Variants in SMAD3 observed in about 807,000 individuals in gnomAD.
The protein encoded by SMAD3 is SMAD family member 3, also known as MAD homolog 3.
Under a neutral mutation model 51.8 loss-of-function variants are expected in SMAD3, and 12 were observed. The observed-to-expected ratio is 0.23, with a 90% CI of 0.15 to 0.38. The LOEUF (loss-of-function observed/expected upper bound fraction) is 0.38, where lower values mean the gene tolerates loss of function less well. Ranked by LOEUF, SMAD3 falls within the 10% of genes least tolerant of loss-of-function variation. The pLI, the probability that SMAD3 is intolerant of heterozygous loss-of-function variation, is 1.00. For missense variants in SMAD3, 294 were observed against 565.6 expected (o/e 0.52, Z 4.87); for synonymous variants, 238 against 227.7 (o/e 1.05, Z -0.41).
chr15:67,133,497 A>G (rs1428979838), intron 1 of SMAD3, among the ~76,000 whole-genome samples: 1 of 152,112 alleles, frequency 6.6e-6, no homozygotes, highest in Non-Finnish European at 1.5e-5. Flanking sequence ...GTATGATCCT[A>G]TCGCCAGAAA....
At chr15:67,077,027 G>C (rs2140200341) in intron 1 of SMAD3, among the ~76,000 whole-genome samples, 1 of 152,288 alleles carries the variant, frequency 6.6e-6, no homozygotes, top group South Asian at 2.1e-4. Context: ...GGGTCTCTCT[G>C]AGCTTCCACA....
intron 1 of SMAD3, among the ~76,000 whole-genome samples, chr15:67,114,390 C>T (rs559216219): frequency 2.0e-5 from 3 of 152,318 alleles, no homozygotes; most frequent in East Asian, 1.9e-4. Context: ...CAAAGAGGCC[C>T]ACCCAGATAG....
At chr15:67,186,511 G>C (rs1421606779) in intron 7 of SMAD3, among the ~76,000 whole-genome samples, 1 of 152,224 alleles carries the variant, frequency 6.6e-6, no homozygotes, top group African/African-American at 2.4e-5. Context: ...AAGAACAGGA[G>C]CCTGCTGTTG....
intron 1 of SMAD3, among the ~76,000 whole-genome samples, chr15:67,088,748 G>GA (rs1960448745): frequency 6.6e-6 from 1 of 152,154 alleles, no homozygotes; most frequent in African/African-American, 2.4e-5. Flanking sequence ...CCAATATGGT[G>GA]AAACCCTGCC....
rs186062767 is a variant in SMAD3, at chr15:67,185,552, C to T, written c.1009+688C>T. 2.0e-5 allele frequency among the ~76,000 whole-genome samples: 3 copies of T among 152,204 alleles called. No individual in the cohort carries two copies. The East Asian group carries it at 5.8e-4, about 29-fold the overall frequency. ...ACCGTCAGGGGAAATGTTTCAAAAGCACAACAGCATGAGGCCGTGGAAGGA... is the reference window on the plus strand; with the variant it reads ...ACCGTCAGGGGAAATGTTTCAAAAGTACAACAGCATGAGGCCGTGGAAGGA... On this transcript the variant is annotated intron_variant, in intron 7 of 8. Transcript: ENST00000327367.
At chr15:67,164,759 T>A in intron 1 of SMAD3, 136 bp from the exon 2 acceptor site, 2 of 942,234 alleles carry the variant, frequency 2.1e-6, no homozygotes, top group Non-Finnish European at 3.5e-6. Context: ...AGTGCTCTGA[T>A]CTCCTGGACC....
At chr15:67,166,073 C>T (rs1443428622) in intron 3 of SMAD3, 1 of 562,144 alleles carries the variant, frequency 1.8e-6, no homozygotes, top group African/African-American at 2.0e-5. Context: ...GACGTTCATC[C>T]TGGGTTAGTT....
intron 1 of SMAD3, among the ~76,000 whole-genome samples, chr15:67,132,804 C>G (rs563164111): frequency 6.6e-6 from 1 of 152,130 alleles, no homozygotes; most frequent in Non-Finnish European, 1.5e-5. Context: ...AGCAAGCTGC[C>G]GCACTCCCCA....
intron 1 of SMAD3, among the ~76,000 whole-genome samples, chr15:67,074,693 C>CT (rs1490835022): frequency 6.6e-6 from 1 of 152,070 alleles, no homozygotes; most frequent in Non-Finnish European, 1.5e-5. Flanking sequence ...CTGTCTCTCT[C>CT]TTTTTTTGTT....
intron 1 of SMAD3, among the ~76,000 whole-genome samples, chr15:67,075,107 C>G (rs748003190): frequency 1.3e-5 from 2 of 151,808 alleles, no homozygotes; most frequent in Non-Finnish European, 2.9e-5. Flanking sequence ...TGTCACTGCT[C>G]AAAAATGCCA....
In SMAD3 at chr15:67,194,877, C is replaced by T. The variant is rs1310302156; in HGVS notation, c.*4341C>T. On this transcript the variant is annotated 3_prime_UTR_variant, in exon 9 of 9. Transcript: ENST00000327367. The stretch of plus-strand genomic sequence containing the variant: ...GAGCCATCTATCCAAGAAGCCTTCA[C>T]TCACCTTCACTGCTGCTGTTGCAAC... 1 of 233,608 alleles carries T rather than the reference C, an allele frequency of 4.3e-6. No individual in the cohort carries two copies. The highest frequency in any genetic ancestry group is 8.5e-6 in the Non-Finnish European group (1 of 117,846). 14.5% of individuals were successfully genotyped at this position (233,608 alleles called of 1,614,324 possible). A position where few individuals can be genotyped will look rare whatever the true frequency, so the allele number is the denominator to read the frequency against.
chr15:67,182,750 A>G (rs1341059033), intron 6 of SMAD3, among the ~76,000 whole-genome samples: 1 of 151,864 alleles, frequency 6.6e-6, no homozygotes, highest in Non-Finnish European at 1.5e-5. Flanking sequence ...ACAGACAGCC[A>G]CCACTACCAG....
intron 1 of SMAD3, among the ~76,000 whole-genome samples, chr15:67,095,596 A>G (rs999690054): frequency 6.6e-6 from 1 of 152,060 alleles, no homozygotes; most frequent in African/African-American, 2.4e-5. Context: ...GCAATGGCTC[A>G]ATATCGGCTC....
intron 1 of SMAD3, among the ~76,000 whole-genome samples, chr15:67,068,158 T>C (rs145130745): frequency 6.6e-6 from 1 of 152,212 alleles, no homozygotes; most frequent in Non-Finnish European, 1.5e-5. Context: ...TAGATAAGGT[T>C]GTTAGGCTTA....
intron 6 of SMAD3, among the ~76,000 whole-genome samples, chr15:67,184,245 G>A (rs1284106742): frequency 6.6e-6 from 1 of 151,780 alleles, no homozygotes; most frequent in Admixed American, 6.6e-5. Context: ...AGGACTACAA[G>A]GATATGCCAC....
intron 5 of SMAD3, 94 bp from the exon 6 acceptor site, chr15:67,181,147 G>A: frequency 2.1e-6 from 2 of 938,622 alleles, no homozygotes; most frequent in Non-Finnish European, 3.4e-6. Flanking sequence ...CTGAAATGCG[G>A]GGAAATGGTT....
intron 1 of SMAD3, among the ~76,000 whole-genome samples, chr15:67,071,526 C>CT (rs1960052344): frequency 6.6e-6 from 1 of 152,050 alleles, no homozygotes; most frequent in Non-Finnish European, 1.5e-5. Flanking sequence ...AAGTGGACAA[C>CT]TTGGCTGGGC....
chr15:67,118,942 T>C (rs1961196538), intron 1 of SMAD3, among the ~76,000 whole-genome samples: 1 of 152,214 alleles, frequency 6.6e-6, no homozygotes, highest in African/African-American at 2.4e-5. Context: ...TGTTGGTGTG[T>C]ACCAACAAAC....
At chr15:67,169,006 G>C (rs1338989471) in intron 4 of SMAD3, among the ~76,000 whole-genome samples, 1 of 152,174 alleles carries the variant, frequency 6.6e-6, no homozygotes, top group Non-Finnish European at 1.5e-5. Flanking sequence ...AGGTCTTTGT[G>C]GTTCAGGCCA....
Sources: gnomAD v4.1 joint callset for allele counts (sites outside exome capture counted in the v4.1 genomes callset) on GRCh38, gnomAD v4.1.1 for gene constraint, MANE v1.5 for transcripts, NCBI Gene and HGNC (gene_info 2026-07-23, HGNC 2026-07-21) for gene names.